GDF7: variants seen among roughly 807,000 people sequenced by gnomAD.
GDF7 encodes growth differentiation factor 7, also known as growth/differentiation factor 7.
GDF7 carries 12 observed loss-of-function variants against 13.4 expected under a neutral mutation model. The ratio of observed to expected loss-of-function variants is 0.90; its 90% CI spans 0.57 to 1.45. The LOEUF (loss-of-function observed/expected upper bound fraction) is 1.45. Ranked by LOEUF, GDF7 falls within the 40% of genes most tolerant of loss-of-function variation. GDF7 has a pLI of 0.00. For synonymous variants in GDF7, 330 were observed against 306.4 expected (o/e 1.08, Z -0.80); for missense variants, 651 against 652.4 (o/e 1.00, Z 0.02).
rs1351200403 is a variant in GDF7 at position 20,667,339 on chromosome 2, G to T, written c.100G>T (p.Ala34Ser). 4 of 1,018,344 alleles carry T rather than the reference G, an allele frequency of 3.9e-6. No individual in the cohort carries two copies. Among genetic ancestry groups the T allele is most frequent in the Admixed American group, 6.5e-5 (1 of 15,338 alleles). The allele number at this position is 1,018,344 out of a possible 1,614,324, so 63.1% of individuals were successfully genotyped here. A position where few individuals can be genotyped will look rare whatever the true frequency, so the allele number is the denominator to read the frequency against. Residue 34 changes from alanine to serine, a missense_variant, in exon 1 of 2, where the codon GCT (alanine) becomes TCT (serine). Ala to Ser is a moderately conservative substitution (Grantham distance 99). Coordinates refer to ENST00000272224, the MANE Select transcript of GDF7 (RefSeq NM_182828.4). The surrounding 1 kb of genome is among the most constrained non-coding windows in gnomAD (Gnocchi z 6.4). Reference protein sequence around the residue: ...EAAAVLRAAGAGPVRSPGGGG... With the variant: ...EAAAVLRAAGSGPVRSPGGGG... ...GGCCGCCGTGCTGCGAGCGGCGGGG[G>T]CTGGGCCGGTCCGGAGCCCAGGGGG...
At position 20,670,732 on chromosome 2, in the gene GDF7, C is replaced by A; in HGVS notation, c.660C>A (p.His220Gln). Reference sequence around the variant, plus strand: ...ACGTGGCGGACGCCATGAGGCGCCACCGTCGTGAACCGCGCCCCCCCCGCG... The same window carrying A: ...ACGTGGCGGACGCCATGAGGCGCCAACGTCGTGAACCGCGCCCCCCCCGCG... Reference protein sequence around the residue: ...AFDVADAMRRHRREPRPPRAF... With the variant: ...AFDVADAMRRQRREPRPPRAF... The change falls in exon 2 of 2, where the codon CAC becomes CAA. Residue 220 changes from histidine to glutamine, a missense_variant. His to Gln is a conservative substitution (Grantham distance 24). Transcript: ENST00000272224. 6.8e-7 allele frequency: 1 copy of A among 1,478,392 alleles called. No individual in the cohort carries two copies. Among genetic ancestry groups the A allele is most frequent in the Non-Finnish European group, 8.9e-7 (1 of 1,120,450 alleles). 91.6% of individuals were successfully genotyped at this position (1,478,392 alleles called of 1,614,324 possible). A position where few individuals can be genotyped will look rare whatever the true frequency, so the allele number is the denominator to read the frequency against.
chr2:20,669,003 A>G (rs1419679102), intron 1 of GDF7, among the ~76,000 whole-genome samples: 1 of 152,190 alleles, frequency 6.6e-6, no homozygotes, highest in African/African-American at 2.4e-5. Flanking sequence ...TAGTTCTACC[A>G]TGGTCTCAGA....
chr2:20,671,413 C>G lies in GDF7; in HGVS notation c.1341C>G (p.Cys447Trp). 6.2e-7 allele frequency: 1 copy of G among 1,602,048 alleles called. No individual in the cohort carries two copies. The highest frequency in any genetic ancestry group is 8.5e-7 in the Non-Finnish European group (1 of 1,174,402). The change falls in exon 2 of 2, where the codon TGC becomes TGG. Residue 447 changes from cysteine (C) to tryptophan (W), a missense_variant. This residue lies in a region of GDF7 where 101 missense variants were observed against 139.2 expected (regional missense o/e 0.73). Coordinates refer to ENST00000272224, the MANE Select transcript of GDF7 (RefSeq NM_182828.4). ...ACGAGGACATGGTGGTGGAGGCCTG[C>G]GGCTGCAGGTAGCGCGAGGGCCGGG... is the stretch of plus-strand genomic sequence containing the variant. Reference protein sequence around the residue: ...KQYEDMVVEACGCR With the variant: ...KQYEDMVVEAWGCR
rs1209205745 is a variant in GDF7, at chr2:20,675,031, A to G, written c.*3606A>G. The G allele has an allele frequency of 6.6e-6, 1 of 152,262 alleles. No individual in the cohort carries two copies. The highest frequency in any genetic ancestry group is 2.4e-5 in the African/African-American group (1 of 41,474). The allele number at this position is 152,262 out of a possible 1,614,324, so 9.4% of individuals were successfully genotyped here. On this transcript the variant is annotated 3_prime_UTR_variant, in exon 2 of 2. Coordinates refer to ENST00000272224, the MANE Select transcript of GDF7 (RefSeq NM_182828.4). The stretch of plus-strand genomic sequence containing the variant: ...GAAAAATTACGTTCTTTCCAAGAGC[A>G]GCTCGTGCACAGATAAGGTCAGACT...
Position 20,671,805 on chromosome 2 carries a change from C to A in GDF7, c.*380C>A. 3.9e-6 allele frequency: 1 copy of A among 257,916 alleles called. No homozygotes were observed. The highest frequency in any genetic ancestry group is 4.6e-5 in the South Asian group (1 of 21,808). The allele number at this position is 257,916 out of a possible 1,614,324, so 16.0% of individuals were successfully genotyped here. ...AATTCGAAGTTCCAGAATGGGAGAA[C>A]CAAAGGGGTACTCGAGCATGCTTTA... On this transcript the variant is annotated 3_prime_UTR_variant, in exon 2 of 2. Transcript: ENST00000272224.
rs369256942 is a variant in GDF7 at position 20,670,717 on chromosome 2, C to T, written c.645C>T (p.Asp215=). The T allele has an allele frequency of 5.1e-5, 76 of 1,476,498 alleles. No individual in the cohort carries two copies. The highest frequency in any genetic ancestry group is 4.6e-4 in the South Asian group (35 of 75,536). 91.5% of individuals were successfully genotyped at this position (1,476,498 alleles called of 1,614,324 possible). Residue 215 remains aspartate, a synonymous_variant, in exon 2 of 2, where the codon GAC becomes GAT. Coordinates refer to ENST00000272224, the MANE Select transcript of GDF7 (RefSeq NM_182828.4). ...GCTGGGAGGCGTTCGACGTGGCGGA[C>T]GCCATGAGGCGCCACCGTCGTGAAC... is the stretch of plus-strand genomic sequence containing the variant. The part of the protein sequence containing the change: ...GQRWEAFDVA[D]AMRRHRREPR...
chr2:20,674,204 A>G lies in GDF7; in HGVS notation c.*2779A>G, dbSNP rs1662181671. ...GCATGAACCCAGCTTCTCTGTTGCA[A>G]CCCCCAGCTGGAATCTCCAGTCACC... On this transcript the variant is annotated 3_prime_UTR_variant, in exon 2 of 2. Transcript: ENST00000272224. 1 of 152,078 alleles carries G rather than the reference A, an allele frequency of 6.6e-6. No individual in the cohort carries two copies. Among genetic ancestry groups the G allele is most frequent in the Admixed American group, 6.5e-5 (1 of 15,270 alleles). The allele number at this position is 152,078 out of a possible 1,614,324, so 9.4% of individuals were successfully genotyped here.
chr2:20,669,379 C>G (rs1662056577), intron 1 of GDF7, among the ~76,000 whole-genome samples: 1 of 152,166 alleles, frequency 6.6e-6, no homozygotes. Context: ...CCATATGACC[C>G]CCTTCAAAGG....
In GDF7 at chr2:20,675,964, T is replaced by TG. The variant is rs1662212775; in HGVS notation, c.*4543dup. ...CAGCTGCAGTTCCTCCTGTGCTCAG[T>TG]GGGGTGGGCGGAGCCACACTCAAGC... On this transcript the variant is annotated 3_prime_UTR_variant, in exon 2 of 2. Coordinates refer to ENST00000272224, the MANE Select transcript of GDF7 (RefSeq NM_182828.4). The TG allele has an allele frequency of 6.6e-6, 1 of 152,326 alleles. No individual in the cohort carries two copies. Among genetic ancestry groups the TG allele is most frequent in the Non-Finnish European group, 1.5e-5 (1 of 68,058 alleles). The allele number at this position is 152,326 out of a possible 1,614,324, so 9.4% of individuals were successfully genotyped here.
At position 20,670,919 on chromosome 2, in the gene GDF7, G is replaced by A; in HGVS notation, c.847G>A (p.Glu283Lys). ...GCAGAGGAAAGAGAGCTTATTCCGG[G>A]AGATCCGCGCCCAGGCCCGCGCGCT... is the stretch of plus-strand genomic sequence containing the variant. Reference protein sequence around the residue: ...RTQRKESLFREIRAQARALGA... With the variant: ...RTQRKESLFRKIRAQARALGA... The change falls in exon 2 of 2, where the codon GAG (glutamate) becomes AAG (lysine). Residue 283 changes from glutamate to lysine, a missense_variant. Coordinates refer to ENST00000272224, the MANE Select transcript of GDF7 (RefSeq NM_182828.4). The A allele has an allele frequency of 6.4e-7, 1 of 1,571,270 alleles. No homozygotes were observed. The highest frequency in any genetic ancestry group is 1.1e-5 in the South Asian group (1 of 87,218).
Position 20,667,576 on chromosome 2 carries a change from T to A in GDF7, c.337T>A (p.Ser113Thr), listed in dbSNP as rs1695989337. 1.3e-6 allele frequency: 2 copies of A among 1,510,200 alleles called. No homozygotes were observed. The highest frequency in any genetic ancestry group is 2.9e-5 in the African/African-American group (2 of 69,250). 93.5% of individuals were successfully genotyped at this position (1,510,200 alleles called of 1,614,324 possible). A position where few individuals can be genotyped will look rare whatever the true frequency, so the allele number is the denominator to read the frequency against. ...GGCCGGGGCAGCCGCTGTCTCCGCC[T>A]CGGGCCATGGTCGCGCGGACACGAT... The part of the protein sequence containing the change: ...APAGAAAVSA[S>T]GHGRADTITG... The change falls in exon 1 of 2, where the codon TCG becomes ACG. Residue 113 changes from serine to threonine, a missense_variant. By Grantham distance (58) the Ser-to-Thr change is moderately conservative. Around this residue, in one of 4 missense-constraint regions of GDF7, gnomAD observed 487 missense variants for 445.9 expected, o/e 1.09. Transcript: ENST00000272224. This position sits in a 1 kb window ranked among gnomAD's most constrained non-coding sequence, Gnocchi z 6.4.
chr2:20,667,453 G>A lies in GDF7; in HGVS notation c.214G>A (p.Ala72Thr), dbSNP rs1314961570. The change falls in exon 1 of 2, where the codon GCC becomes ACC. Residue 72 changes from alanine to threonine, a missense_variant. Around this residue, in one of 4 missense-constraint regions of GDF7, gnomAD observed 487 missense variants for 445.9 expected, o/e 1.09. Coordinates refer to ENST00000272224, the MANE Select transcript of GDF7 (RefSeq NM_182828.4). The surrounding 1 kb of genome is among the most constrained non-coding windows in gnomAD (Gnocchi z 6.4). The stretch of plus-strand genomic sequence containing the variant: ...GGCCGCCGCGGTTCCCCGGGCCCGC[G>A]CCGCGCGCCGCGCCGCGGGCTCCGG... ...VPAAAVPRARAARRAAGSGFR... is the reference protein window; with the variant it reads ...VPAAAVPRARTARRAAGSGFR... 1 of 1,143,780 alleles carries A rather than the reference G, an allele frequency of 8.7e-7. No individual in the cohort carries two copies. Among genetic ancestry groups the A allele is most frequent in the South Asian group, 3.4e-5 (1 of 29,238 alleles). The allele number at this position is 1,143,780 out of a possible 1,614,324, so 70.9% of individuals were successfully genotyped here.
chr2:20,670,219 G>A (rs1046921424), intron 1 of GDF7, among the ~76,000 whole-genome samples: 1 of 152,182 alleles, frequency 6.6e-6, no homozygotes, highest in African/African-American at 2.4e-5. Flanking sequence ...TTGGCCTGAT[G>A]GGACTTTTGG....
Position 20,679,147 on chromosome 2 carries a change from T to A in GDF7, c.*7722T>A, listed in dbSNP as rs982180184. 3 of 152,254 alleles carry A rather than the reference T, an allele frequency of 2.0e-5. No individual in the cohort carries two copies. Among genetic ancestry groups the A allele is most frequent in the Non-Finnish European group, 4.4e-5 (3 of 68,044 alleles). 9.4% of individuals were successfully genotyped at this position (152,254 alleles called of 1,614,324 possible). A position where few individuals can be genotyped will look rare whatever the true frequency, so the allele number is the denominator to read the frequency against. On this transcript the variant is annotated 3_prime_UTR_variant, in exon 2 of 2. Coordinates refer to ENST00000272224, the MANE Select transcript of GDF7 (RefSeq NM_182828.4). ...CAATCTCTATTTTTCTTAACTATTA[T>A]ATAGCAGTATATATTTGTTGAACAT...
chr2:20,674,270 G>C lies in GDF7; in HGVS notation c.*2845G>C, dbSNP rs1200035005. ...GACAGGCAGGGAGAAAGCATGTCAA[G>C]ACTGTGAGGAAAGGCTGTCCCCTCA... is the stretch of plus-strand genomic sequence containing the variant. On this transcript the variant is annotated 3_prime_UTR_variant, in exon 2 of 2. Transcript: ENST00000272224. 1 of 152,236 alleles carries C rather than the reference G, an allele frequency of 6.6e-6. No homozygotes were observed. Among genetic ancestry groups the C allele is most frequent in the Non-Finnish European group, 1.5e-5 (1 of 68,054 alleles). The allele number at this position is 152,236 out of a possible 1,614,324, so 9.4% of individuals were successfully genotyped here. A position where few individuals can be genotyped will look rare whatever the true frequency, so the allele number is the denominator to read the frequency against.
chr2:20,671,259 C>G lies in GDF7; in HGVS notation c.1187C>G (p.Ala396Gly). ...LRSHLEPTNH[A>G]IIQTLLNSMA... ...TCGCACCTCGAGCCCACCAACCATG[C>G]CATCATTCAGACGCTGCTCAACTCC... Residue 396 changes from alanine to glycine, a missense_variant, in exon 2 of 2, where the codon GCC (alanine) becomes GGC (glycine). Around this residue, in one of 4 missense-constraint regions of GDF7, gnomAD observed 101 missense variants for 139.2 expected, o/e 0.73. Transcript: ENST00000272224. The G allele has an allele frequency of 6.2e-7, 1 of 1,614,008 alleles. No homozygotes were observed. Among genetic ancestry groups the G allele is most frequent in the Non-Finnish European group, 8.5e-7 (1 of 1,179,966 alleles).
rs974754667 is a variant in GDF7 at position 20,677,372 on chromosome 2, C to T, written c.*5947C>T. On this transcript the variant is annotated 3_prime_UTR_variant, in exon 2 of 2. Coordinates refer to ENST00000272224, the MANE Select transcript of GDF7 (RefSeq NM_182828.4). The stretch of plus-strand genomic sequence containing the variant: ...CGGCCAGCTGCTTTGCATCTGCATT[C>T]CCGTTTCATTACCTTTTGTGTTGTG... 6.6e-6 allele frequency: 1 copy of T among 152,270 alleles called. No homozygotes were observed. The highest frequency in any genetic ancestry group is 1.5e-5 in the Non-Finnish European group (1 of 68,060). The allele number at this position is 152,270 out of a possible 1,614,324, so 9.4% of individuals were successfully genotyped here.
rs781608860 is a variant in GDF7, at chr2:20,671,431, G to A, written c.*6G>A. The A allele has an allele frequency of 1.2e-6, 2 of 1,606,670 alleles. No individual in the cohort carries two copies. Among genetic ancestry groups the A allele is most frequent in the Non-Finnish European group, 1.7e-6 (2 of 1,176,526 alleles). On this transcript the variant is annotated 3_prime_UTR_variant, in exon 2 of 2. Transcript: ENST00000272224. ...AGGCCTGCGGCTGCAGGTAGCGCGA[G>A]GGCCGGGGAGGGGGCAGCCACGCGG...
rs770169112 is a variant in GDF7, at chr2:20,671,027, C to T, written c.955C>T (p.Arg319Trp). 6 of 1,526,448 alleles carry T rather than the reference C, an allele frequency of 3.9e-6. 1 individual carries two copies. The East Asian group carries it at 1.6e-4, about 41-fold the overall frequency. 94.6% of individuals were successfully genotyped at this position (1,526,448 alleles called of 1,614,324 possible). ...AAGGGCAGTCATTGGCGGCCGCAGA[C>T]GGAGGAGGACGGCGTTGGCCGGGAC... ...SPRAVIGGRR[R>W]RRTALAGTRT... Residue 319 changes from arginine to tryptophan, a missense_variant, in exon 2 of 2, where the codon CGG becomes TGG. Around this residue, in one of 4 missense-constraint regions of GDF7, gnomAD observed 487 missense variants for 445.9 expected, o/e 1.09. Coordinates refer to ENST00000272224, the MANE Select transcript of GDF7 (RefSeq NM_182828.4).
Sources: allele counts gnomAD v4.1 joint callset (sites outside exome capture counted in the v4.1 genomes callset), GRCh38; gene constraint gnomAD v4.1.1; regional missense constraint gnomAD v4.1.1; non-coding constraint Gnocchi (gnomAD v3.1); transcripts MANE v1.5; gene names NCBI Gene and HGNC (gene_info 2026-07-23, HGNC 2026-07-21).